Variants in EXD3 observed in about 807,000 individuals in gnomAD.
EXD3 encodes the protein exonuclease 3'-5' domain containing 3, also known as exonuclease mut-7 homolog.
Under a neutral mutation model 98.0 loss-of-function variants are expected in EXD3, and 92 were observed. That is an observed-to-expected ratio of 0.94 (90% CI 0.79 to 1.12). The LOEUF (loss-of-function observed/expected upper bound fraction) is 1.12. Ranked by LOEUF, EXD3 falls within the 50% of genes most tolerant of loss-of-function variation. The probability of loss-of-function intolerance (pLI) is 0.00; values close to 1 mark genes in which losing one functional copy is unlikely to be tolerated. For synonymous variants in EXD3, 569 were observed against 526.0 expected, an observed-to-expected ratio of 1.08 and a Z score of -1.12; for missense variants, 1,222 against 1,191.6, an observed-to-expected ratio of 1.03 and a Z score of -0.38.
At chr9:137,333,129 C>T (rs1420528951) in intron 17 of EXD3, among the ~76,000 whole-genome samples, 2 of 152,126 alleles carry the variant, frequency 1.3e-5, no homozygotes, top group Non-Finnish European at 2.9e-5. Context: ...CATCTTTCTC[C>T]CGTGCTGGAT....
chr9:137,311,648 G>A (rs1831367829), intron 19 of EXD3, among the ~76,000 whole-genome samples: 1 of 152,192 alleles, frequency 6.6e-6, no homozygotes, highest in South Asian at 2.1e-4. Flanking sequence ...GCTGCCCGCT[G>A]TGGGCCTTGC....
intron 17 of EXD3, among the ~76,000 whole-genome samples, chr9:137,344,364 A>T (rs1324908129): frequency 1.3e-5 from 2 of 152,184 alleles, no homozygotes; most frequent in East Asian, 3.8e-4. Context: ...GAAGCAAACC[A>T]GTGGGAGATA....
intron 17 of EXD3, among the ~76,000 whole-genome samples, chr9:137,339,026 G>A (rs964540933): frequency 4.6e-5 from 7 of 152,008 alleles, no homozygotes; most frequent in African/African-American, 1.5e-4. Flanking sequence ...AGCGGACACC[G>A]ACAATCTATA....
chr9:137,337,285 T>C (rs185058418), intron 17 of EXD3, among the ~76,000 whole-genome samples: 474 of 152,250 alleles, frequency 3.1e-3, no homozygotes, highest in Non-Finnish European at 5.0e-3. Flanking sequence ...GCATGGAAAA[T>C]CTGATGAATG....
chr9:137,333,957 C>G lies in EXD3; in HGVS notation c.1999-9814G>C, dbSNP rs1471008365. On this transcript the variant is annotated intron_variant, in intron 17 of 21. Coordinates refer to ENST00000340951, the MANE Select transcript of EXD3 (RefSeq NM_017820.5). Reference sequence around the variant, plus strand: ...TCCCAGGTTCAAGTGATTCTCCTGCCTCAGCCTCCCGAGTAGCTGAGACTA... The same window carrying G: ...TCCCAGGTTCAAGTGATTCTCCTGCGTCAGCCTCCCGAGTAGCTGAGACTA... Among the ~76,000 whole-genome samples the G allele has an allele frequency of 5.9e-5, 9 of 152,246 alleles. No homozygotes were observed. The East Asian group carries it at 1.7e-3, about 29-fold the overall frequency.
chr9:137,415,019 C>T (rs1248617365), intron 1 of EXD3, among the ~76,000 whole-genome samples: 1 of 151,898 alleles, frequency 6.6e-6, no homozygotes, highest in African/African-American at 2.4e-5. Context: ...TCCCGAGTAG[C>T]TGGGATTACA....
chr9:137,337,382 G>A, intron 17 of EXD3, among the ~76,000 whole-genome samples: 1 of 152,170 alleles, frequency 6.6e-6, no homozygotes, highest in Admixed American at 6.5e-5. Flanking sequence ...GCTGGGTGCG[G>A]TGGCTCACAC....
intron 2 of EXD3, among the ~76,000 whole-genome samples, chr9:137,391,281 C>G (rs943161734): frequency 1.3e-5 from 2 of 152,256 alleles, no homozygotes; most frequent in Non-Finnish European, 2.9e-5. Context: ...TCCTGCGGGC[C>G]CTGCCCTGTT....
chr9:137,343,575 C>CTTCT (rs1833760503), intron 17 of EXD3: 1 of 56,586 alleles, frequency 1.8e-5, no homozygotes, highest in Admixed American at 3.2e-4. Context: ...ACTACTGTAT[C>CTTCT]TTTTTTTTTT....
At chr9:137,340,785 C>T (rs1356786558) in intron 17 of EXD3, among the ~76,000 whole-genome samples, 1 of 152,150 alleles carries the variant, frequency 6.6e-6, no homozygotes, top group Non-Finnish European at 1.5e-5. Context: ...TCCCAAAGGG[C>T]TGAGATTATA....
intron 7 of EXD3, among the ~76,000 whole-genome samples, chr9:137,362,007 G>A (rs570720719): frequency 1.3e-5 from 2 of 152,174 alleles, no homozygotes; most frequent in South Asian, 4.1e-4. Context: ...TTCCCTGAAA[G>A]ACAAAAACAA....
intron 19 of EXD3, among the ~76,000 whole-genome samples, chr9:137,320,277 G>C (rs1006815234): frequency 1.3e-5 from 2 of 152,202 alleles, no homozygotes; most frequent in African/African-American, 4.8e-5. Flanking sequence ...CGCTGCCTGG[G>C]GCTGCAGCCA....
chr9:137,371,747 C>G lies in EXD3; in HGVS notation c.462+1158G>C, dbSNP rs139203033. Among the ~76,000 whole-genome samples the G allele has an allele frequency of 4.2e-3, 640 of 151,634 alleles. 3 individuals carry two copies. Among genetic ancestry groups the G allele is most frequent in the Non-Finnish European group, 7.4e-3 (502 of 67,776 alleles). ...CTGGGCCAAGCACCCCCGGGCCGAGCACCCCCAAGCAGGACATCCCCTGGC... is the reference window on the plus strand; with the variant it reads ...CTGGGCCAAGCACCCCCGGGCCGAGGACCCCCAAGCAGGACATCCCCTGGC... On this transcript the variant is annotated intron_variant, in intron 5 of 21. Coordinates refer to ENST00000340951, the MANE Select transcript of EXD3 (RefSeq NM_017820.5). This position sits in a 1 kb window ranked among gnomAD's most constrained non-coding sequence, Gnocchi z 8.0.
Position 137,407,092 on chromosome 9 carries a change from G to C in EXD3, c.-47-11688C>G, listed in dbSNP as rs961154629. Among the ~76,000 whole-genome samples, 1 of 152,162 alleles carries C rather than the reference G, an allele frequency of 6.6e-6. No homozygotes were observed. Among genetic ancestry groups the C allele is most frequent in the Non-Finnish European group, 1.5e-5 (1 of 68,024 alleles). On this transcript the variant is annotated intron_variant, in intron 1 of 21. Coordinates refer to ENST00000340951, the MANE Select transcript of EXD3 (RefSeq NM_017820.5). The surrounding 1 kb of genome is among the most constrained non-coding windows in gnomAD (Gnocchi z 4.4). ...CAGAGGCACCGGAGCGGGCGGGCGG[G>C]GGCGGCCTGCGGAGCAGCCAGTCCC...
At chr9:137,392,670 C>G (rs956278067) in intron 2 of EXD3, 1 of 335,588 alleles carries the variant, frequency 3.0e-6, no homozygotes, top group African/African-American at 2.2e-5. Context: ...CCAGGAAGCG[C>G]CAGGCTGTTC....
At chr9:137,336,534 G>A (rs980045322) in intron 17 of EXD3, among the ~76,000 whole-genome samples, 2 of 151,844 alleles carry the variant, frequency 1.3e-5, no homozygotes, top group Non-Finnish European at 2.9e-5. Context: ...GGTGCTGGGT[G>A]CCTGTAGTCT....
chr9:137,404,626 C>T (rs1837632357), intron 1 of EXD3, among the ~76,000 whole-genome samples: 1 of 152,224 alleles, frequency 6.6e-6, no homozygotes, highest in Non-Finnish European at 1.5e-5. Context: ...TTTGGGAGGC[C>T]AAGGCCGGAG....
intron 19 of EXD3, among the ~76,000 whole-genome samples, chr9:137,317,782 T>A (rs1436133116): frequency 1.3e-5 from 2 of 151,936 alleles, no homozygotes; most frequent in African/African-American, 2.4e-5. Flanking sequence ...GGTGTCGTGC[T>A]AGGCCCACCC....
Position 137,385,460 on chromosome 9 carries a change from G to A in EXD3, c.56-2083C>T, listed in dbSNP as rs78828300. 3.4e-3 allele frequency among the ~76,000 whole-genome samples: 521 copies of A among 152,326 alleles called. 26 individuals carry two copies. In the East Asian group the frequency reaches 0.075, roughly 22 times the overall value. ...TGTGTTCACGATCATGTGCCGAGCCGCATCATGTGCTCTGCGTTCCTTCCT... is the reference window on the plus strand; with the variant it reads ...TGTGTTCACGATCATGTGCCGAGCCACATCATGTGCTCTGCGTTCCTTCCT... On this transcript the variant is annotated intron_variant, in intron 2 of 21. Coordinates refer to ENST00000340951, the MANE Select transcript of EXD3 (RefSeq NM_017820.5). This position sits in a 1 kb window ranked among gnomAD's most constrained non-coding sequence, Gnocchi z 4.4.
Sources: gnomAD v4.1 joint callset for allele counts (sites outside exome capture counted in the v4.1 genomes callset) on GRCh38, gnomAD v4.1.1 for gene constraint, Gnocchi (gnomAD v3.1) non-coding constraint, MANE v1.5 for transcripts, NCBI Gene and HGNC (gene_info 2026-07-23, HGNC 2026-07-21) for gene names.